Variants in NRXN1 observed in about 807,000 individuals in gnomAD.
NRXN1 encodes neurexin-1.
A neutral mutation model predicts 150.9 loss-of-function variants in NRXN1; 39 were observed. The observed-to-expected ratio is 0.26, with a 90% confidence interval of 0.20 to 0.34. The LOEUF is 0.34. Among genes scored for constraint, NRXN1 ranks in the 10% least tolerant of loss-of-function variants. NRXN1 has a pLI of 1.00. For missense variants in NRXN1, 1,815 were observed against 1,949.9 expected (o/e 0.93, Z 1.30); for synonymous variants, 924 against 757.0 (o/e 1.22, Z -3.62).
At chr2:50,806,271 GA>G (rs1487436252) in intron 5 of NRXN1, among the ~76,000 whole-genome samples, 1 of 152,122 alleles carries the variant, frequency 6.6e-6, no homozygotes, top group African/African-American at 2.4e-5. Context: ...TTGAGTTGGA[GA>G]AATTACAGTT....
At chr2:50,213,086 G>A (rs1173601618) in intron 18 of NRXN1, among the ~76,000 whole-genome samples, 1 of 151,862 alleles carries the variant, frequency 6.6e-6, no homozygotes, top group Non-Finnish European at 1.5e-5. Context: ...GACAGGAGCT[G>A]GTTGTTGTCT....
chr2:50,435,767 A>G (rs891552771), intron 17 of NRXN1, among the ~76,000 whole-genome samples: 1 of 152,134 alleles, frequency 6.6e-6, no homozygotes, highest in Non-Finnish European at 1.5e-5. Flanking sequence ...ACACATGGAC[A>G]CAAAGAAGGG....
At chr2:50,501,762 GA>G (rs1030096070) in intron 13 of NRXN1, among the ~76,000 whole-genome samples, 6 of 152,050 alleles carry the variant, frequency 3.9e-5, no homozygotes, top group African/African-American at 1.4e-4. Context: ...TATGACCTAG[GA>G]AATCTCCTTC....
chr2:50,093,445 C>G (rs1699834964), intron 18 of NRXN1, among the ~76,000 whole-genome samples: 1 of 142,154 alleles, frequency 7.0e-6, no homozygotes, highest in Admixed American at 7.4e-5. Context: ...AGCAAGATCT[C>G]GTCTTTACTA....
chr2:50,361,152 G>A (rs1572679513), intron 17 of NRXN1, among the ~76,000 whole-genome samples: 2 of 152,206 alleles, frequency 1.3e-5, no homozygotes, highest in Middle Eastern at 3.4e-3. Flanking sequence ...ATGCCCACAG[G>A]AGAAAGCAGG....
At chr2:49,931,805 TCTTG>T (rs1007670120) in intron 22 of NRXN1, among the ~76,000 whole-genome samples, 21 of 152,156 alleles carry the variant, frequency 1.4e-4, no homozygotes, top group Non-Finnish European at 2.4e-4. Context: ...CAACTGAGCT[TCTTG>T]ATACCAAAAT....
intron 2 of NRXN1, among the ~76,000 whole-genome samples, chr2:50,945,877 GATAT>G (rs72142854): frequency 0.011 from 1,499 of 138,580 alleles, 16 homozygotes; most frequent in African/African-American, 0.026. Context: ...CAGAAAAACA[GATAT>G]ATATATATAT....
chr2:50,926,860 G>A (rs1214475952), intron 2 of NRXN1, among the ~76,000 whole-genome samples: 4 of 151,610 alleles, frequency 2.6e-5, no homozygotes, highest in African/African-American at 9.7e-5. Context: ...ATATATCCAA[G>A]CAGATTTGTA....
intron 21 of NRXN1, among the ~76,000 whole-genome samples, chr2:49,990,555 A>G (rs1005139028): frequency 1.6e-4 from 24 of 152,202 alleles, no homozygotes; most frequent in Non-Finnish European, 2.1e-4. Context: ...TTTAGGCAAG[A>G]GATAATAGTG....
intron 21 of NRXN1, among the ~76,000 whole-genome samples, chr2:49,993,020 C>T (rs577857061): frequency 6.6e-6 from 1 of 152,298 alleles, no homozygotes; most frequent in East Asian, 1.9e-4. Flanking sequence ...CAAAGCTAAA[C>T]ATACTTTTAC....
chr2:50,411,098 G>A (rs998569658), intron 17 of NRXN1, among the ~76,000 whole-genome samples: 54 of 150,066 alleles, frequency 3.6e-4, no homozygotes, highest in African/African-American at 1.2e-3. Context: ...GATGCCGAGC[G>A]GAGGCTGGAC....
chr2:50,249,910 T>A (rs1476374387), intron 17 of NRXN1, among the ~76,000 whole-genome samples: 1 of 152,126 alleles, frequency 6.6e-6, no homozygotes, highest in Non-Finnish European at 1.5e-5. Context: ...AGTGTTGGGA[T>A]TACAGGCGTG....
At chr2:50,801,542 C>T (rs977131170) in intron 5 of NRXN1, among the ~76,000 whole-genome samples, 41 of 151,996 alleles carry the variant, frequency 2.7e-4, no homozygotes, top group Middle Eastern at 3.2e-3. Flanking sequence ...TCTATGCTTC[C>T]ACATTATACC....
chr2:50,455,103 T>C lies in NRXN1; in HGVS notation c.3364+10339A>G, dbSNP rs537800165. ...GAATCAAAGAGTTGATGCCAGAGCA[T>C]GTGAAGAACAAAGCATGCTGTAGAG... On this transcript the variant is annotated intron_variant, in intron 17 of 22. Coordinates refer to ENST00000401669, the MANE Select transcript of NRXN1 (RefSeq NM_001330078.2). 2.0e-5 allele frequency among the ~76,000 whole-genome samples: 3 copies of C among 152,312 alleles called. No individual in the cohort carries two copies. In the East Asian group the frequency reaches 5.8e-4, roughly 29 times the overall value.
chr2:50,043,135 A>G (rs1245672811), intron 21 of NRXN1, among the ~76,000 whole-genome samples: 1 of 152,126 alleles, frequency 6.6e-6, no homozygotes, highest in East Asian at 1.9e-4. Context: ...GTGTTTTTTT[A>G]CTTTTCTGAA....
At chr2:50,123,260 T>C (rs1574036002) in intron 18 of NRXN1, among the ~76,000 whole-genome samples, 1 of 152,098 alleles carries the variant, frequency 6.6e-6, no homozygotes. Context: ...CAGGTGGCAC[T>C]GAAAGAGTGG....
intron 19 of NRXN1, among the ~76,000 whole-genome samples, chr2:50,073,707 T>C (rs377208675): frequency 7.9e-5 from 12 of 152,134 alleles, no homozygotes; most frequent in Non-Finnish European, 1.6e-4. Flanking sequence ...TTTGTAGAGA[T>C]AGTCAACAAT....
chr2:50,572,714 C>G (rs1403759365), intron 8 of NRXN1, among the ~76,000 whole-genome samples: 1 of 152,156 alleles, frequency 6.6e-6, no homozygotes, highest in South Asian at 2.1e-4. Flanking sequence ...AGTGATAAAC[C>G]CTGACAACCT....
At chr2:50,466,036 T>G (rs2088800971) in intron 16 of NRXN1, among the ~76,000 whole-genome samples, 1 of 151,772 alleles carries the variant, frequency 6.6e-6, no homozygotes. Context: ...ACGATAAAGT[T>G]ATGATTGCTG....
Sources: gnomAD v4.1 joint callset for allele counts (sites outside exome capture counted in the v4.1 genomes callset) on GRCh38, gnomAD v4.1.1 for gene constraint, MANE v1.5 for transcripts, NCBI Gene and HGNC (gene_info 2026-07-23, HGNC 2026-07-21) for gene names.